The following AMN1 variants were observed in gnomAD, a reference collection of about 807,000 sequenced individuals.
AMN1 encodes protein AMN1 homolog.
A neutral mutation model predicts 33.0 loss-of-function variants in AMN1; 20 were observed. The observed-to-expected ratio is 0.61, with a 90% confidence interval of 0.43 to 0.88. AMN1 has a LOEUF of 0.88. Ranked by LOEUF, AMN1 falls within the 40% of genes least tolerant of loss-of-function variation. AMN1 has a pLI of 0.00. For synonymous variants in AMN1, 114 were observed against 111.9 expected (o/e 1.02, Z -0.12); for missense variants, 246 against 307.4 (o/e 0.80, Z 1.49).
At chr12:31,713,866 T>A (rs183843531) in intron 1 of AMN1, among the ~76,000 whole-genome samples, 1,830 of 140,092 alleles carry the variant, frequency 0.013, 24 homozygotes, top group Non-Finnish European at 0.018. Context: ...AAAAAAAAAA[T>A]TTTCTGATAA....
chr12:31,684,796 T>A (rs1433246394), intron 6 of AMN1, among the ~76,000 whole-genome samples: 1 of 152,012 alleles, frequency 6.6e-6, no homozygotes, highest in Non-Finnish European at 1.5e-5. Context: ...TTTTTAAGAA[T>A]GTAAATGGGT....
intron 5 of AMN1, 139 bp from the exon 6 acceptor site, chr12:31,689,257 T>A (rs1356428007): frequency 3.2e-6 from 2 of 624,700 alleles, no homozygotes; most frequent in African/African-American, 1.9e-5. Context: ...AAGACCAATA[T>A]AAGTCTGAAG....
At chr12:31,699,159 GGCGGGCA>G (rs1338757375) in intron 3 of AMN1, among the ~76,000 whole-genome samples, 2 of 152,000 alleles carry the variant, frequency 1.3e-5, no homozygotes, top group African/African-American at 4.8e-5. Context: ...GGGAGGCCGA[GGCGGGCA>G]GATTACTTGA....
chr12:31,692,379 C>T (rs1385284687), intron 5 of AMN1, among the ~76,000 whole-genome samples: 1 of 151,114 alleles, frequency 6.6e-6, no homozygotes, highest in African/African-American at 2.4e-5. Flanking sequence ...ATCGCTTGAA[C>T]CCGGGAGGTG....
chr12:31,684,526 C>T (rs996783067), intron 6 of AMN1, among the ~76,000 whole-genome samples: 8 of 150,358 alleles, frequency 5.3e-5, no homozygotes, highest in African/African-American at 7.4e-5. Context: ...GCTGGAGTGC[C>T]GTTGTGCGAT....
At chr12:31,691,934 A>G (rs1422762288) in intron 5 of AMN1, among the ~76,000 whole-genome samples, 2 of 151,958 alleles carry the variant, frequency 1.3e-5, no homozygotes. Context: ...CTGGAGTGCA[A>G]TGGAGCAGTC....
At chr12:31,702,473 A>T (rs1939048667) in intron 2 of AMN1, among the ~76,000 whole-genome samples, 1 of 152,150 alleles carries the variant, frequency 6.6e-6, no homozygotes, top group African/African-American at 2.4e-5. Context: ...AGCTAATAAA[A>T]TACCCCAGTA....
Position 31,726,096 on chromosome 12 carries a change from C to G in AMN1, c.38+2875G>C, listed in dbSNP as rs1484202134. On this transcript the variant is annotated intron_variant, in intron 1 of 6. Coordinates refer to ENST00000281471, the MANE Select transcript of AMN1 (RefSeq NM_001113402.2). Reference sequence around the variant, plus strand: ...GATTCATTTTCCCCGTAAGACACTTCTTCCTCCATAATAGTCTAATCACCA... The same window carrying G: ...GATTCATTTTCCCCGTAAGACACTTGTTCCTCCATAATAGTCTAATCACCA... Among the ~76,000 whole-genome samples, 3 of 151,986 alleles carry G rather than the reference C, an allele frequency of 2.0e-5. No individual in the cohort carries two copies. In the South Asian group the frequency reaches 6.2e-4, roughly 31 times the overall value.
chr12:31,710,990 A>C (rs1046965123), intron 1 of AMN1, among the ~76,000 whole-genome samples: 3 of 151,980 alleles, frequency 2.0e-5, no homozygotes, highest in African/African-American at 7.2e-5. Context: ...GCTCACTGCA[A>C]CCTCTGCCTC....
At position 31,706,140 on chromosome 12, in the gene AMN1, G is replaced by A. The variant is rs1017246874; in HGVS notation, c.171+3153C>T. ...ATCCTGGCTAACATGGTGAAACCCC[G>A]TCTCTACTAAAAATACAAAAAATTA... On this transcript the variant is annotated intron_variant, in intron 2 of 6. Coordinates refer to ENST00000281471, the MANE Select transcript of AMN1 (RefSeq NM_001113402.2). Among the ~76,000 whole-genome samples the A allele has an allele frequency of 4.0e-5, 6 of 151,786 alleles. 1 individual carries two copies. The South Asian group carries it at 8.3e-4, about 21-fold the overall frequency.
intron 1 of AMN1, among the ~76,000 whole-genome samples, chr12:31,722,808 G>C (rs1939924099): frequency 6.6e-6 from 1 of 152,178 alleles, no homozygotes; most frequent in Admixed American, 6.6e-5. Context: ...ACCTGGATCA[G>C]GGGTCAGCAA....
rs566143733 is a variant in AMN1, at chr12:31,729,000, G to T, written c.9C>A (p.Arg3=). 1 of 1,545,278 alleles carries T rather than the reference G, an allele frequency of 6.5e-7. No individual in the cohort carries two copies. Among genetic ancestry groups the T allele is most frequent in the Non-Finnish European group, 8.8e-7 (1 of 1,142,642 alleles). Residue 3 remains arginine, a synonymous_variant, in exon 1 of 7, where the codon CGC becomes CGA. Coordinates refer to ENST00000281471, the MANE Select transcript of AMN1 (RefSeq NM_001113402.2). MP[R]PRRVSQLLDL... Reference sequence around the variant, plus strand: ...CCAGGAGCTGACTGACCCGCCGTGGGCGAGGCATCGCTGCAGCGTCTGAAG... The same window carrying T: ...CCAGGAGCTGACTGACCCGCCGTGGTCGAGGCATCGCTGCAGCGTCTGAAG...
intron 5 of AMN1, among the ~76,000 whole-genome samples, chr12:31,695,813 T>C (rs1470078701): frequency 1.3e-5 from 2 of 152,084 alleles, no homozygotes; most frequent in African/African-American, 4.8e-5. Flanking sequence ...TAATAAAATA[T>C]TTAAAAAATA....
At chr12:31,691,797 T>C (rs1054037991) in intron 5 of AMN1, among the ~76,000 whole-genome samples, 5 of 152,196 alleles carry the variant, frequency 3.3e-5, no homozygotes, top group African/African-American at 1.2e-4. Flanking sequence ...TAATCATATT[T>C]AGGATAGTGG....
intron 6 of AMN1, chr12:31,672,589 C>T: frequency 2.5e-6 from 1 of 399,906 alleles, no homozygotes; most frequent in Non-Finnish European, 4.5e-6. Context: ...CATGGTATTA[C>T]TTGTTTAAAA....
In AMN1 at chr12:31,695,458, A is replaced by ACC. The variant is rs1347738836; in HGVS notation, c.591+1902_591+1903insGG. On this transcript the variant is annotated intron_variant, in intron 5 of 6. Transcript: ENST00000281471. Reference sequence around the variant, plus strand: ...TTTGGAATTCAAAACTTGGTATAATAATAAATATAGTAATTTCTTTCTTTC... The same window carrying ACC: ...TTTGGAATTCAAAACTTGGTATAATACCATAAATATAGTAATTTCTTTCTTTC... 6.5e-3 allele frequency among the ~76,000 whole-genome samples: 962 copies of ACC among 148,808 alleles called. 12 individuals carry two copies. The highest frequency in any genetic ancestry group is 0.022 in the African/African-American group (903 of 40,382).
At chr12:31,728,935 G>C (rs1333963184) in intron 1 of AMN1, 36 bp downstream of exon 1, 1 of 1,539,228 alleles carries the variant, frequency 6.5e-7, no homozygotes, top group Admixed American at 2.0e-5. Context: ...GAGGTGCTGG[G>C]GCGGCGCGAA....
intron 1 of AMN1, among the ~76,000 whole-genome samples, chr12:31,719,571 T>C (rs1381574483): frequency 6.6e-6 from 1 of 152,226 alleles, no homozygotes; most frequent in African/African-American, 2.4e-5. Flanking sequence ...CTTTAGAGAC[T>C]TCAAAGACTT....
intron 1 of AMN1, chr12:31,714,949 C>T (rs1939612946): frequency 3.1e-6 from 3 of 978,884 alleles, no homozygotes; most frequent in African/African-American, 1.7e-5. Context: ...AGTCCAGTAG[C>T]ATCTGGTAAA....
Sources: gnomAD v4.1 joint callset for allele counts (sites outside exome capture counted in the v4.1 genomes callset) on GRCh38, gnomAD v4.1.1 for gene constraint, MANE v1.5 for transcripts, NCBI Gene and HGNC (gene_info 2026-07-23, HGNC 2026-07-21) for gene names.